The following TMEM232 variants were observed in gnomAD, a reference collection of about 807,000 sequenced individuals.
TMEM232 encodes transmembrane protein 232.
A neutral mutation model predicts 78.8 loss-of-function variants in TMEM232; 80 were observed. The observed-to-expected ratio is 1.01, with a 90% confidence interval of 0.85 to 1.22. The LOEUF (loss-of-function observed/expected upper bound fraction) is 1.22, where lower values mean the gene tolerates loss of function less well. Ranked by LOEUF, TMEM232 falls within the 50% of genes most tolerant of loss-of-function variation. The pLI is 0.00. For synonymous variants in TMEM232, 297 were observed against 254.3 expected (o/e 1.17, Z -1.60); for missense variants, 881 against 742.2 (o/e 1.19, Z -2.17).
At chr5:110,634,771 G>T (rs1471568291) in intron 5 of TMEM232, among the ~76,000 whole-genome samples, 2 of 151,930 alleles carry the variant, frequency 1.3e-5, no homozygotes, top group Non-Finnish European at 2.9e-5. Flanking sequence ...ATAATCTAAT[G>T]ATGCACTTCA....
chr5:110,647,882 T>C (rs1206440827), intron 2 of TMEM232, among the ~76,000 whole-genome samples: 1 of 152,016 alleles, frequency 6.6e-6, no homozygotes, highest in Non-Finnish European at 1.5e-5. Context: ...ATATCTATAG[T>C]TAAATATTTT....
chr5:110,475,759 A>G (rs986304415), intron 12 of TMEM232, among the ~76,000 whole-genome samples: 2 of 151,594 alleles, frequency 1.3e-5, no homozygotes, highest in Non-Finnish European at 2.9e-5. Context: ...CACTCAGCTG[A>G]GTACTCATTA....
intron 1 of TMEM232, among the ~76,000 whole-genome samples, chr5:110,718,946 A>G (rs1797296955): frequency 6.6e-6 from 1 of 152,056 alleles, no homozygotes; most frequent in Non-Finnish European, 1.5e-5. Flanking sequence ...GTTCATTTAT[A>G]TAGTTATATG....
chr5:110,640,959 T>C lies in TMEM232; in HGVS notation c.275A>G (p.His92Arg). ...LGLKTLGSGR[H>R]VHLPAAWTEV... ...AGTCCATGCAGCAGGAAGATGCACA[T>C]GCCTTCCAGAGCCCAGGGTTTTGAG... Residue 92 changes from histidine to arginine, a missense_variant, in exon 4 of 14, where the codon CAT becomes CGT. His to Arg is a conservative substitution (Grantham distance 29, BLOSUM62 0). Coordinates refer to ENST00000455884, the MANE Select transcript of TMEM232 (RefSeq NM_001039763.4). The C allele has an allele frequency of 1.3e-6, 2 of 1,539,638 alleles. No homozygotes were observed. The highest frequency in any genetic ancestry group is 1.8e-6 in the Non-Finnish European group (2 of 1,141,046).
chr5:110,524,375 GAAAGA>G (rs1770134848), intron 12 of TMEM232, among the ~76,000 whole-genome samples: 3 of 54,198 alleles, frequency 5.5e-5, no homozygotes, highest in Non-Finnish European at 8.0e-5. Context: ...AAGAAAGAAA[GAAAGA>G]AAGAAAGAAA....
chr5:110,508,719 A>T (rs1767263274), intron 12 of TMEM232, among the ~76,000 whole-genome samples: 1 of 150,446 alleles, frequency 6.6e-6, no homozygotes, highest in South Asian at 2.1e-4. Context: ...CCTTTCACGA[A>T]TGAAAAGGAA....
intron 10 of TMEM232, among the ~76,000 whole-genome samples, chr5:110,581,286 C>A (rs989482796): frequency 6.6e-6 from 1 of 151,810 alleles, no homozygotes; most frequent in Non-Finnish European, 1.5e-5. Context: ...GCTACAGTAG[C>A]CAAAACAGCA....
chr5:110,699,111 T>C (rs1795158523), intron 1 of TMEM232, among the ~76,000 whole-genome samples: 1 of 151,718 alleles, frequency 6.6e-6, no homozygotes, highest in Admixed American at 6.6e-5. Context: ...GCAGGTAAAA[T>C]ACTTAAGGTC....
chr5:110,667,407 A>G (rs2150130606), intron 1 of TMEM232, 43 bp from the exon 2 acceptor site: 2 of 1,386,440 alleles, frequency 1.4e-6, no homozygotes, highest in Admixed American at 3.1e-5. Flanking sequence ...AAATGCACTC[A>G]TAGTATCAAA....
intron 1 of TMEM232, among the ~76,000 whole-genome samples, chr5:110,688,835 A>G (rs1445425672): frequency 6.6e-6 from 1 of 152,114 alleles, no homozygotes; most frequent in Non-Finnish European, 1.5e-5. Context: ...TGCCTCCCCC[A>G]TGTTTTGCCC....
chr5:110,550,626 T>C (rs1774336899), intron 11 of TMEM232, among the ~76,000 whole-genome samples: 1 of 151,832 alleles, frequency 6.6e-6, no homozygotes, highest in African/African-American at 2.4e-5. Flanking sequence ...ATATATTTTA[T>C]AATAAAATAG....
intron 10 of TMEM232, among the ~76,000 whole-genome samples, chr5:110,592,761 T>C (rs144263632): frequency 6.6e-6 from 1 of 152,290 alleles, no homozygotes; most frequent in Non-Finnish European, 1.5e-5. Flanking sequence ...TCTAGTCTGT[T>C]AGGGATTACC....
At chr5:110,611,340 A>C (rs571211489) in intron 8 of TMEM232, among the ~76,000 whole-genome samples, 1 of 152,246 alleles carries the variant, frequency 6.6e-6, no homozygotes, top group Admixed American at 6.5e-5. Flanking sequence ...CTCAGAAAAG[A>C]TGGATGACAA....
chr5:110,625,202 T>C, intron 7 of TMEM232, 65 bp downstream of exon 7: 1 of 1,356,832 alleles, frequency 7.4e-7, no homozygotes, highest in South Asian at 1.8e-5. Context: ...CACCATTACT[T>C]AATCATAGTA....
chr5:110,703,537 T>A (rs1580730713), intron 1 of TMEM232, among the ~76,000 whole-genome samples: 1 of 152,088 alleles, frequency 6.6e-6, no homozygotes, highest in East Asian at 1.9e-4. Flanking sequence ...GCTTTTGAAA[T>A]TTGGCAAATG....
At chr5:110,409,207 C>T (rs1212435654) in intron 2 of TMEM232, among the ~76,000 whole-genome samples, 2 of 152,090 alleles carry the variant, frequency 1.3e-5, no homozygotes, top group African/African-American at 4.8e-5. Flanking sequence ...CCATTTATGT[C>T]CTGCTGTTGG....
chr5:110,638,141 T>C (rs1786142396), intron 5 of TMEM232, 57 bp downstream of exon 5: 2 of 1,292,846 alleles, frequency 1.5e-6, no homozygotes, highest in Admixed American at 2.7e-5. Context: ...AGATGTCATG[T>C]TGTTACATGT....
chr5:110,419,055 G>A (rs368241818), downstream of TMEM232, among the ~76,000 whole-genome samples: 3 of 152,058 alleles, frequency 2.0e-5, no homozygotes, highest in African/African-American at 7.2e-5. Context: ...ACCTTGATGG[G>A]TTTAGGAGTG....
At chr5:110,449,979 G>T (rs1333274645) in intron 12 of TMEM232, among the ~76,000 whole-genome samples, 1 of 152,058 alleles carries the variant, frequency 6.6e-6, no homozygotes, top group Admixed American at 6.6e-5. Context: ...GTTGGGTGAG[G>T]GACGTGGAGG....
Sources: gnomAD v4.1 joint callset for allele counts (sites outside exome capture counted in the v4.1 genomes callset) on GRCh38, gnomAD v4.1.1 for gene constraint, MANE v1.5 for transcripts, NCBI Gene and HGNC (gene_info 2026-07-23, HGNC 2026-07-21) for gene names.